Variants in LRRC53 observed in about 807,000 individuals in gnomAD.
The protein encoded by LRRC53 is leucine-rich repeat-containing protein 53.
A neutral mutation model predicts 13.6 loss-of-function variants in LRRC53; 25 were observed. That is an observed-to-expected ratio of 1.83 (90% CI 1.34 to 2.56). The LOEUF is 2.56. LRRC53 is among the 30% of genes most tolerant of loss of function. The pLI, the probability that LRRC53 is intolerant of heterozygous loss-of-function variation, is 0.00. For missense variants in LRRC53, 527 were observed against 275.8 expected (o/e 1.91, Z -6.45); for synonymous variants, 204 against 109.8 (o/e 1.86, Z -5.37).
Position 74,469,888 on chromosome 1 carries a change from T to C in LRRC53, c.3734A>G (p.Glu1245Gly). The C allele has an allele frequency of 5.0e-6, 2 of 400,584 alleles. No individual in the cohort carries two copies. Among genetic ancestry groups the C allele is most frequent in the Middle Eastern group, 6.2e-4 (2 of 3,220 alleles). 24.8% of individuals were successfully genotyped at this position (400,584 alleles called of 1,614,324 possible). Residue 1245 changes from glutamate (E) to glycine (G), a missense_variant, in exon 5 of 5, where the codon GAA becomes GGA. Coordinates refer to ENST00000294635, the MANE Select transcript of LRRC53 (RefSeq NM_001382280.1). Reference sequence around the variant, plus strand: ...GTTATTTTGTTCACTTTATTCTGTTTCTAAAGGTGATGTAGTAGCATATTC... The same window carrying C: ...GTTATTTTGTTCACTTTATTCTGTTCCTAAAGGTGATGTAGTAGCATATTC... ...SAEYATTSPL[E>G]TE
upstream of LRRC53, among the ~76,000 whole-genome samples, chr1:74,515,517 A>T (rs528990615): frequency 3.9e-5 from 6 of 152,170 alleles, no homozygotes; most frequent in Non-Finnish European, 8.8e-5. Flanking sequence ...AGTTTCTCTG[A>T]TGGTTGCTGT....
At chr1:74,496,948 A>G (rs1669357037) in intron 1 of LRRC53, among the ~76,000 whole-genome samples, 1 of 152,168 alleles carries the variant, frequency 6.6e-6, no homozygotes, top group South Asian at 2.1e-4. Context: ...CTAAGAATAG[A>G]ATGATTTGAC....
intron 3 of LRRC53, among the ~76,000 whole-genome samples, chr1:74,478,064 T>G (rs1022521650): frequency 6.6e-6 from 1 of 152,196 alleles, no homozygotes; most frequent in Admixed American, 6.5e-5. Context: ...ATGACTTAGA[T>G]ATAGCTGAAG....
intron 3 of LRRC53, among the ~76,000 whole-genome samples, chr1:74,477,951 C>G (rs1037065149): frequency 2.0e-4 from 30 of 152,262 alleles, no homozygotes; most frequent in African/African-American, 6.3e-4. Flanking sequence ...TTTTTATCTA[C>G]CAGTTCATAG....
At chr1:74,530,303 C>G in the LRRC53 span, among the ~76,000 whole-genome samples, 2 of 152,188 alleles carry the variant, frequency 1.3e-5, no homozygotes, top group African/African-American at 4.8e-5. Context: ...CTAGAGCCAA[C>G]AGGTTTAAGT....
At chr1:74,501,474 GTGTTTGTTTGTT>G (rs71588835) in intron 1 of LRRC53, among the ~76,000 whole-genome samples, 15,735 of 149,864 alleles carry the variant, frequency 0.1, 2,195 homozygotes, top group African/African-American at 0.32. Context: ...TTTTTGTTTT[GTGTTTGTTTGTT>G]TGTTTGTTTG....
intron 1 of LRRC53, among the ~76,000 whole-genome samples, chr1:74,503,263 T>C (rs575659431): frequency 7.9e-5 from 12 of 152,324 alleles, no homozygotes; most frequent in African/African-American, 2.9e-4. Context: ...GGAATCAGCA[T>C]CTTTTAGCTA....
the LRRC53 span, among the ~76,000 whole-genome samples, chr1:74,533,666 T>A: frequency 1.3e-5 from 2 of 151,942 alleles, no homozygotes; most frequent in Admixed American, 6.6e-5. Context: ...CCAACCCAAA[T>A]GTCCAACAAT....
In LRRC53 at chr1:74,470,594, G is replaced by A. The variant is rs1667878366; in HGVS notation, c.3028C>T (p.Pro1010Ser). 7.5e-6 allele frequency: 3 copies of A among 400,570 alleles called. No homozygotes were observed. Among genetic ancestry groups the A allele is most frequent in the African/African-American group, 6.2e-5 (3 of 48,696 alleles). The allele number at this position is 400,570 out of a possible 1,614,324, so 24.8% of individuals were successfully genotyped here. Reference sequence around the variant, plus strand: ...AGGTTGTTCTTGGATTGTGTTTGGGGAATGAGAGAGGAATCATAAGTTTCT... The same window carrying A: ...AGGTTGTTCTTGGATTGTGTTTGGGAAATGAGAGAGGAATCATAAGTTTCT... Reference protein sequence around the residue: ...KTETYDSSLIPQTQSKNNLSF... With the variant: ...KTETYDSSLISQTQSKNNLSF... The change falls in exon 5 of 5, where the codon CCC (proline) becomes TCC (serine). Residue 1010 changes from proline to serine, a missense_variant. Coordinates refer to ENST00000294635, the MANE Select transcript of LRRC53 (RefSeq NM_001382280.1).
Position 74,483,257 on chromosome 1 carries a change from A to C in LRRC53, c.88+5T>G, listed in dbSNP as rs1338022071. 1 of 717,102 alleles carries C rather than the reference A, an allele frequency of 1.4e-6. No individual in the cohort carries two copies. The highest frequency in any genetic ancestry group is 1.5e-5 in the South Asian group (1 of 67,578). 44.4% of individuals were successfully genotyped at this position (717,102 alleles called of 1,614,324 possible). ...ACTGCTTTTTAGAGTTATTAGTTTT[A>C]TTACCTACTATATAGGTTAGCTGGT... On this transcript the variant is annotated splice_donor_5th_base_variant and intron_variant, in intron 2 of 4. Coordinates refer to ENST00000294635, the MANE Select transcript of LRRC53 (RefSeq NM_001382280.1).
chr1:74,483,217 C>T (rs958876908), intron 2 of LRRC53, 45 bp downstream of exon 2: 15 of 712,810 alleles, frequency 2.1e-5, no homozygotes, highest in Admixed American at 8.0e-5. Flanking sequence ...AACCAATTTT[C>T]CAGGTACACT....
intron 1 of LRRC53, among the ~76,000 whole-genome samples, chr1:74,509,292 A>G (rs971442028): frequency 2.0e-5 from 3 of 152,188 alleles, no homozygotes; most frequent in African/African-American, 7.2e-5. Context: ...CCCAGCAGCT[A>G]TTTATGACAA....
intron 1 of LRRC53, among the ~76,000 whole-genome samples, chr1:74,511,794 A>G (rs1019450865): frequency 3.3e-5 from 5 of 152,012 alleles, no homozygotes; most frequent in Non-Finnish European, 5.9e-5. Context: ...TGAGTTTGGC[A>G]GAGTTAACCA....
intron 1 of LRRC53, chr1:74,492,367 C>G (rs1404243178): frequency 7.6e-7 from 1 of 1,310,882 alleles, no homozygotes; most frequent in Non-Finnish European, 9.8e-7. Flanking sequence ...TTGATTACCC[C>G]CTGAAAAACT....
chr1:74,532,046 C>T, the LRRC53 span, among the ~76,000 whole-genome samples: 1 of 152,192 alleles, frequency 6.6e-6, no homozygotes, highest in Non-Finnish European at 1.5e-5. Context: ...AGTCTTTAAT[C>T]ACACTGATAA....
At chr1:74,494,996 C>A (rs1297787232) in intron 1 of LRRC53, among the ~76,000 whole-genome samples, 2 of 152,198 alleles carry the variant, frequency 1.3e-5, no homozygotes, top group African/African-American at 4.8e-5. Flanking sequence ...CTTCTCTAGC[C>A]TTCAAGAATC....
At chr1:74,517,907 AG>A in the LRRC53 span, among the ~76,000 whole-genome samples, 1 of 152,146 alleles carries the variant, frequency 6.6e-6, no homozygotes, top group Non-Finnish European at 1.5e-5. Flanking sequence ...ACCAGTTCCC[AG>A]GGGAGGCTGA....
chr1:74,511,954 A>G (rs1187287598), intron 1 of LRRC53, among the ~76,000 whole-genome samples: 2 of 152,214 alleles, frequency 1.3e-5, no homozygotes, highest in South Asian at 2.1e-4. Context: ...AGTCAATAGA[A>G]GTAGAAATAA....
intron 1 of LRRC53, among the ~76,000 whole-genome samples, chr1:74,497,462 T>G (rs1669386148): frequency 6.6e-6 from 1 of 152,136 alleles, no homozygotes. Context: ...TTTCAGCACC[T>G]TGCTCATGAC....
Sources: gnomAD v4.1 joint callset for allele counts (sites outside exome capture counted in the v4.1 genomes callset) on GRCh38, gnomAD v4.1.1 for gene constraint, MANE v1.5 for transcripts, NCBI Gene and HGNC (gene_info 2026-07-23, HGNC 2026-07-21) for gene names.